The following IQCH variants were observed in gnomAD, a reference collection of about 807,000 sequenced individuals.
The protein encoded by IQCH is IQ domain-containing protein H.
Under a neutral mutation model 117.0 loss-of-function variants are expected in IQCH, and 98 were observed. The ratio of observed to expected loss-of-function variants is 0.84; its 90% confidence interval spans 0.71 to 0.99. The LOEUF (loss-of-function observed/expected upper bound fraction) is 0.99. IQCH is among the 50% of genes least tolerant of loss of function. The pLI is 0.00. For missense variants in IQCH, 1,102 were observed against 1,243.8 expected (o/e 0.89, Z 1.72); for synonymous variants, 412 against 448.2 (o/e 0.92, Z 1.02).
intron 4 of IQCH, among the ~76,000 whole-genome samples, chr15:67,318,325 A>C (rs1303348714): frequency 1.3e-5 from 2 of 152,006 alleles, no homozygotes; most frequent in Admixed American, 1.3e-4. Flanking sequence ...CCTAGTAATA[A>C]TCTTCACATA....
chr15:67,271,010 C>G (rs764156196), intron 3 of IQCH, among the ~76,000 whole-genome samples: 1 of 152,136 alleles, frequency 6.6e-6, no homozygotes, highest in Non-Finnish European at 1.5e-5. Flanking sequence ...GCTCTGTTGC[C>G]CAGGCTGGAG....
At position 67,405,868 on chromosome 15, in the gene IQCH, T is replaced by G. The variant is rs571847796; in HGVS notation, c.2097+5563T>G. The G allele has an allele frequency of 1.5e-4, 23 of 152,340 alleles. No homozygotes were observed. In the East Asian group the frequency reaches 4.2e-3, roughly 28 times the overall value. 9.4% of individuals were successfully genotyped at this position (152,340 alleles called of 1,614,324 possible). A position where few individuals can be genotyped will look rare whatever the true frequency, so the allele number is the denominator to read the frequency against. ...AACACAGAGGCCACTGCTCTCAAAT[T>G]TCTTCCCTTTCCTAGATAACAGAAG... On this transcript the variant is annotated intron_variant, in intron 14 of 20. Coordinates refer to ENST00000335894, the MANE Select transcript of IQCH (RefSeq NM_001031715.3). This position sits in a 1 kb window ranked among gnomAD's most constrained non-coding sequence, Gnocchi z 4.8.
At chr15:67,383,899 A>G (rs1300422676) in intron 10 of IQCH, among the ~76,000 whole-genome samples, 1 of 152,192 alleles carries the variant, frequency 6.6e-6, no homozygotes, top group African/African-American at 2.4e-5. Flanking sequence ...TTAAACACTG[A>G]CATCAAAGCA....
chr15:67,484,612 G>A (rs12912845), intron 18 of IQCH, among the ~76,000 whole-genome samples: 62,137 of 148,274 alleles, frequency 0.42, 14,116 homozygotes, highest in Non-Finnish European at 0.52. Flanking sequence ...ATGGTGGTGC[G>A]CACCTGTAGT....
chr15:67,312,757 A>T (rs1967661019), intron 4 of IQCH, among the ~76,000 whole-genome samples: 1 of 152,178 alleles, frequency 6.6e-6, no homozygotes, highest in Admixed American at 6.5e-5. Flanking sequence ...TTCAGCAAGT[A>T]GTGTGATAGC....
At chr15:67,273,523 G>C (rs1385309853) in intron 3 of IQCH, among the ~76,000 whole-genome samples, 1 of 151,940 alleles carries the variant, frequency 6.6e-6, no homozygotes, top group Non-Finnish European at 1.5e-5. Context: ...AAAAATAATA[G>C]AAACAAAGAA....
In IQCH at chr15:67,387,585, G is replaced by A. The variant is rs560620604; in HGVS notation, c.1457-1246G>A. Among the ~76,000 whole-genome samples the A allele has an allele frequency of 2.0e-5, 3 of 152,120 alleles. No individual in the cohort carries two copies. The highest frequency in any genetic ancestry group is 2.9e-5 in the Non-Finnish European group (2 of 68,020). On this transcript the variant is annotated intron_variant, in intron 11 of 20. Transcript: ENST00000335894. The surrounding 1 kb of genome is among the most constrained non-coding windows in gnomAD (Gnocchi z 4.8). ...AAATCTTGCACTGATCAAAAGGAATGTAGGTGTGGGGGCAGCTGGGGAATC... is the reference window on the plus strand; with the variant it reads ...AAATCTTGCACTGATCAAAAGGAATATAGGTGTGGGGGCAGCTGGGGAATC...
At chr15:67,492,895 C>A (rs1217233743) in intron 19 of IQCH, among the ~76,000 whole-genome samples, 3 of 152,192 alleles carry the variant, frequency 2.0e-5, no homozygotes, top group African/African-American at 7.2e-5. Flanking sequence ...AGTCATCAAA[C>A]TGACCTAGCA....
At chr15:67,295,676 A>G (rs184047763) in intron 4 of IQCH, among the ~76,000 whole-genome samples, 1 of 152,256 alleles carries the variant, frequency 6.6e-6, no homozygotes, top group Admixed American at 6.5e-5. Flanking sequence ...TCTTATTTAA[A>G]CAATATTCTT....
At chr15:67,434,730 G>A (rs113247981) in intron 16 of IQCH, among the ~76,000 whole-genome samples, 3 of 150,662 alleles carry the variant, frequency 2.0e-5, no homozygotes, top group Non-Finnish European at 3.0e-5. Flanking sequence ...GTGTATAAGG[G>A]TTCCCTTTCT....
At chr15:67,260,287 T>C (rs550325836) in intron 1 of IQCH, among the ~76,000 whole-genome samples, 4 of 152,332 alleles carry the variant, frequency 2.6e-5, no homozygotes, top group Non-Finnish European at 5.9e-5. Context: ...TCAAATTTCA[T>C]AGGGCCCATT....
rs561577483 is a variant in IQCH, at chr15:67,404,326, A to T, written c.2097+4021A>T. 10 of 152,166 alleles carry T rather than the reference A, an allele frequency of 6.6e-5. No homozygotes were observed. The highest frequency in any genetic ancestry group is 1.5e-4 in the Non-Finnish European group (10 of 68,032). The allele number at this position is 152,166 out of a possible 1,614,324, so 9.4% of individuals were successfully genotyped here. ...AATCATTAACCATTTCATGCCATAG[A>T]GCTCCCTGCATCTCCACCTCCATTG... is the stretch of plus-strand genomic sequence containing the variant. On this transcript the variant is annotated intron_variant, in intron 14 of 20. Coordinates refer to ENST00000335894, the MANE Select transcript of IQCH (RefSeq NM_001031715.3). The surrounding 1 kb of genome is among the most constrained non-coding windows in gnomAD (Gnocchi z 4.6).
chr15:67,306,785 C>G, intron 4 of IQCH: 1 of 1,406,896 alleles, frequency 7.1e-7, no homozygotes, highest in Non-Finnish European at 9.7e-7. Context: ...TATCTTCAAT[C>G]TGCCAAATAG....
At chr15:67,299,569 C>G (rs1032382184) in intron 4 of IQCH, among the ~76,000 whole-genome samples, 2 of 151,868 alleles carry the variant, frequency 1.3e-5, no homozygotes, top group Non-Finnish European at 2.9e-5. Flanking sequence ...AATATATATA[C>G]CTACTAGGTA....
chr15:67,358,757 A>C (rs1446393374), intron 7 of IQCH, among the ~76,000 whole-genome samples: 1 of 152,212 alleles, frequency 6.6e-6, no homozygotes, highest in African/African-American at 2.4e-5. Context: ...TGAAGAGCGG[A>C]ACAAGAGAAA....
At position 67,370,448 on chromosome 15, in the gene IQCH, A is replaced by G. The variant is rs764681788; in HGVS notation, c.754-1663A>G. ...CATTCTTCTCTGAATTCTAATTCCT[A>G]GTATCAGAGACCGTTCCTGAAGGGA... On this transcript the variant is annotated intron_variant, in intron 8 of 20. Coordinates refer to ENST00000335894, the MANE Select transcript of IQCH (RefSeq NM_001031715.3). The surrounding 1 kb of genome is among the most constrained non-coding windows in gnomAD (Gnocchi z 5.6). Among the ~76,000 whole-genome samples the G allele has an allele frequency of 2.0e-5, 3 of 152,172 alleles. No individual in the cohort carries two copies. The highest frequency in any genetic ancestry group is 4.4e-5 in the Non-Finnish European group (3 of 68,018).
chr15:67,421,194 T>G (rs926742069), intron 15 of IQCH, 97 bp from the exon 16 acceptor site: 2 of 984,890 alleles, frequency 2.0e-6, no homozygotes, highest in Admixed American at 2.5e-5. Flanking sequence ...GTAAGCTACT[T>G]GCCCAAAGTC....
At chr15:67,372,770 T>G in intron 9 of IQCH, 108 bp downstream of exon 9, 2 of 936,740 alleles carry the variant, frequency 2.1e-6, no homozygotes, top group Admixed American at 5.0e-5. Flanking sequence ...CCAACTACTC[T>G]CCTTGCCTCA....
intron 10 of IQCH, 125 bp downstream of exon 10, chr15:67,373,558 G>A (rs907087581): frequency 1.2e-5 from 9 of 732,368 alleles, no homozygotes; most frequent in East Asian, 2.6e-5. Flanking sequence ...AAATGTTCTC[G>A]ACATGATGAG....
Sources: allele counts gnomAD v4.1 joint callset (sites outside exome capture counted in the v4.1 genomes callset), GRCh38; gene constraint gnomAD v4.1.1; non-coding constraint Gnocchi (gnomAD v3.1); transcripts MANE v1.5; gene names NCBI Gene and HGNC (gene_info 2026-07-23, HGNC 2026-07-21).